Variants in ERI1 observed in about 807,000 individuals in gnomAD.
The protein encoded by ERI1 is exoribonuclease 1.
ERI1 carries 39 observed loss-of-function variants against 39.7 expected under a neutral mutation model. The observed-to-expected ratio is 0.98, with a 90% CI of 0.76 to 1.28. ERI1 has a LOEUF of 1.28. Among genes scored for constraint, ERI1 ranks in the 50% most tolerant of loss-of-function variants. The probability of loss-of-function intolerance (pLI) is 0.00; values close to 1 mark genes in which losing one functional copy is unlikely to be tolerated. For missense variants in ERI1, 581 were observed against 416.9 expected, an observed-to-expected ratio of 1.39 and a Z score of -3.43; for synonymous variants, 204 against 149.6, an observed-to-expected ratio of 1.36 and a Z score of -2.65.
In ERI1 at chr8:9,056,830, C is replaced by T. The variant is rs188914889; in HGVS notation, n.299+36366C>T. On this transcript the variant is annotated intron_variant and non_coding_transcript_variant, in intron 3 of 3. Transcript: ENST00000518663. ...CCATCAATTACGTGGGAACACTTTC[C>T]CCATGTAATTGTCTGTTTTTTGAGA... Among the ~76,000 whole-genome samples the T allele has an allele frequency of 2.0e-5, 3 of 152,204 alleles. No homozygotes were observed. The East Asian group carries it at 5.8e-4, about 29-fold the overall frequency.
At chr8:9,028,945 C>A (rs545370573) in intron 6 of ERI1, among the ~76,000 whole-genome samples, 1 of 148,928 alleles carries the variant, frequency 6.7e-6, no homozygotes, top group African/African-American at 2.5e-5. Flanking sequence ...AAAGTGGAGG[C>A]ACATATTGGA....
intron 3 of ERI1, chr8:9,091,216 C>T (rs1024937284): frequency 6.6e-6 from 1 of 152,136 alleles, no homozygotes; most frequent in Non-Finnish European, 1.5e-5. Context: ...AGTTAGAAAA[C>T]AACACCACAA....
chr8:9,093,329 T>C (rs1799767882), intron 3 of ERI1, among the ~76,000 whole-genome samples: 1 of 152,172 alleles, frequency 6.6e-6, no homozygotes, highest in South Asian at 2.1e-4. Flanking sequence ...CTGGGCTGCA[T>C]GTGGCCCAAG....
At chr8:9,045,674 G>T (rs1379155214) in intron 3 of ERI1, among the ~76,000 whole-genome samples, 1 of 144,636 alleles carries the variant, frequency 6.9e-6, no homozygotes, top group Non-Finnish European at 1.5e-5. Context: ...AGAATCTATA[G>T]AATTTTTTTT....
At chr8:9,095,647 A>T (rs867395807) in intron 3 of ERI1, among the ~76,000 whole-genome samples, 3 of 152,172 alleles carry the variant, frequency 2.0e-5, no homozygotes, top group African/African-American at 7.2e-5. Flanking sequence ...TAGACTCCTG[A>T]GTAGCTGGGA....
At chr8:9,049,151 C>T (rs933284410) in intron 3 of ERI1, among the ~76,000 whole-genome samples, 3 of 151,572 alleles carry the variant, frequency 2.0e-5, no homozygotes, top group African/African-American at 7.3e-5. Flanking sequence ...GCTTGGCCAA[C>T]ATGGTGAAAC....
At position 9,092,488 on chromosome 8, in the gene ERI1, G is replaced by A. The variant is rs192900414; in HGVS notation, n.300-23860G>A. On this transcript the variant is annotated intron_variant and non_coding_transcript_variant, in intron 3 of 3. Coordinates refer to the ERI1 transcript ENST00000518663. ...GTTCATTGGTTAAGTAGGTGAAGAT[G>A]TCAGGAAATAAGATTTGCTCTTGTC... Among the ~76,000 whole-genome samples, 240 of 152,332 alleles carry A rather than the reference G, an allele frequency of 1.6e-3. 2 individuals are homozygous for A. The highest frequency in any genetic ancestry group is 0.01 in the East Asian group (53 of 5,184).
At chr8:9,075,266 C>T (rs1799172816) in intron 3 of ERI1, among the ~76,000 whole-genome samples, 1 of 152,190 alleles carries the variant, frequency 6.6e-6, no homozygotes. Context: ...AATGCGTTCC[C>T]ACACAAAGCG....
chr8:9,075,705 A>G (rs1422569648), intron 3 of ERI1, among the ~76,000 whole-genome samples: 1 of 152,212 alleles, frequency 6.6e-6, no homozygotes, highest in Non-Finnish European at 1.5e-5. Flanking sequence ...CTCAGGGAAA[A>G]TGAACATGAA....
chr8:9,068,196 A>G (rs947982106), intron 3 of ERI1, among the ~76,000 whole-genome samples: 4 of 152,248 alleles, frequency 2.6e-5, no homozygotes, highest in Non-Finnish European at 5.9e-5. Context: ...ATTATATACA[A>G]TTGACCTGAG....
chr8:9,092,426 T>G (rs981573931), intron 3 of ERI1, among the ~76,000 whole-genome samples: 2 of 152,218 alleles, frequency 1.3e-5, no homozygotes, highest in African/African-American at 2.4e-5. Flanking sequence ...GAGTCTGGGC[T>G]GGAATGAGCA....
chr8:9,016,432 G>C (rs920443563), intron 4 of ERI1, 27 bp downstream of exon 4: 4 of 1,353,222 alleles, frequency 3.0e-6, no homozygotes, highest in South Asian at 2.8e-5. Context: ...CTTCTTTCTA[G>C]AGTTTGAAAG....
rs183501965 is a variant in ERI1, at chr8:9,059,471, G to A, written n.299+39007G>A. ...GGCAGCGTGGGAATCTAGAATGGGA[G>A]AGAGAAGCTGAAGGAAGATTTTGTG... is the stretch of plus-strand genomic sequence containing the variant. On this transcript the variant is annotated intron_variant and non_coding_transcript_variant, in intron 3 of 3. Coordinates refer to the ERI1 transcript ENST00000518663. Among the ~76,000 whole-genome samples the A allele has an allele frequency of 2.6e-5, 4 of 152,260 alleles. No homozygotes were observed. The East Asian group carries it at 7.7e-4, about 29-fold the overall frequency.
chr8:9,022,548 C>T (rs544253619), intron 6 of ERI1, among the ~76,000 whole-genome samples: 132 of 152,096 alleles, frequency 8.7e-4, no homozygotes, highest in African/African-American at 3.0e-3. Flanking sequence ...TACGGGCGCC[C>T]ACAACCACAA....
intron 3 of ERI1, among the ~76,000 whole-genome samples, chr8:9,067,472 T>G (rs1240737567): frequency 6.6e-6 from 1 of 150,390 alleles, no homozygotes; most frequent in Non-Finnish European, 1.5e-5. Context: ...CTGGGCAACA[T>G]AGAGAAACCC....
At chr8:9,086,463 T>A (rs1799529912) in intron 3 of ERI1, among the ~76,000 whole-genome samples, 1 of 152,080 alleles carries the variant, frequency 6.6e-6, no homozygotes, top group African/African-American at 2.4e-5. Context: ...GGTGGGAGGA[T>A]CTCTTGAGCC....
At position 9,082,620 on chromosome 8, in the gene ERI1, G is replaced by A. The variant is rs1799403252; in HGVS notation, n.300-33728G>A. On this transcript the variant is annotated intron_variant and non_coding_transcript_variant, in intron 3 of 3. Transcript: ENST00000518663. ...TGAAAGGATATTGAAAGAAATGGAT[G>A]AGGACCTACATCTGGGCTCCTCATC... Among the ~76,000 whole-genome samples the A allele has an allele frequency of 2.6e-5, 4 of 152,170 alleles. No individual in the cohort carries two copies. The South Asian group carries it at 6.2e-4, about 24-fold the overall frequency.
intron 3 of ERI1, among the ~76,000 whole-genome samples, chr8:9,068,979 G>A: frequency 6.6e-6 from 1 of 152,018 alleles, no homozygotes. Flanking sequence ...CACCATGCTT[G>A]GCTAATCTTT....
intron 6 of ERI1, among the ~76,000 whole-genome samples, chr8:9,026,858 T>TAAA (rs58454617): frequency 4.6e-4 from 68 of 148,326 alleles, no homozygotes; most frequent in African/African-American, 1.5e-3. Context: ...TGTACCACGT[T>TAAA]AAAAAAAAAA....
Sources: gnomAD v4.1 joint callset for allele counts (sites outside exome capture counted in the v4.1 genomes callset) on GRCh38, gnomAD v4.1.1 for gene constraint, MANE v1.5 for transcripts, NCBI Gene and HGNC (gene_info 2026-07-23, HGNC 2026-07-21) for gene names.